SRPRB: variants seen among roughly 807,000 people sequenced by gnomAD.
SRPRB encodes signal recognition particle receptor subunit beta.
In SRPRB, 20 loss-of-function variants were observed where a neutral mutation model predicts 31.9. That is an observed-to-expected ratio of 0.63 (90% CI 0.44 to 0.91). The LOEUF (loss-of-function observed/expected upper bound fraction) is 0.91. Ranked by LOEUF, SRPRB falls within the 40% of genes least tolerant of loss-of-function variation. The pLI is 0.00. For synonymous variants in SRPRB, 146 were observed against 132.8 expected, an observed-to-expected ratio of 1.10 and a Z score of -0.68; for missense variants, 321 against 324.9, an observed-to-expected ratio of 0.99 and a Z score of 0.09.
intron 1 of SRPRB, among the ~76,000 whole-genome samples, chr3:133,799,149 C>G (rs1392730585): frequency 1.3e-5 from 2 of 152,186 alleles, no homozygotes; most frequent in Non-Finnish European, 2.9e-5. Context: ...AAATCTTTCT[C>G]TAGAGGGATG....
intron 1 of SRPRB, chr3:133,792,455 T>G (rs746200598): frequency 2.0e-5 from 3 of 152,212 alleles, no homozygotes; most frequent in Non-Finnish European, 2.9e-5. Context: ...CTTGCCTGCT[T>G]TACAGCTCGG....
chr3:133,813,806 A>G (rs978521722), intron 4 of SRPRB, among the ~76,000 whole-genome samples: 3 of 152,248 alleles, frequency 2.0e-5, no homozygotes, highest in African/African-American at 7.2e-5. Flanking sequence ...CCCGTAGGAT[A>G]TGAAAGCCTT....
chr3:133,792,124 T>C (rs558467780), intron 1 of SRPRB: 12 of 152,340 alleles, frequency 7.9e-5, no homozygotes, highest in African/African-American at 2.9e-4. Context: ...CAATTTATTT[T>C]GGAGCATTAG....
intron 6 of SRPRB, among the ~76,000 whole-genome samples, chr3:133,817,502 C>T (rs1006779434): frequency 2.0e-5 from 3 of 151,974 alleles, no homozygotes; most frequent in East Asian, 3.8e-4. Flanking sequence ...ATATATCCTG[C>T]TTTGAGTGTT....
chr3:133,788,237 T>C (rs1349237694), intron 1 of SRPRB: 3 of 152,230 alleles, frequency 2.0e-5, no homozygotes, highest in Non-Finnish European at 4.4e-5. Context: ...TTTCATCCTC[T>C]CCATTTACAT....
upstream of SRPRB, among the ~76,000 whole-genome samples, chr3:133,800,896 T>C (rs1298134383): frequency 6.6e-6 from 1 of 152,218 alleles, no homozygotes; most frequent in Non-Finnish European, 1.5e-5. Context: ...AACGTGTTCG[T>C]TTGTATTTAC....
intron 2 of SRPRB, among the ~76,000 whole-genome samples, chr3:133,807,232 A>G (rs1935178451): frequency 6.8e-6 from 1 of 146,576 alleles, no homozygotes. Context: ...TTTCCCTTCC[A>G]TTAAAGAAAT....
downstream of SRPRB, among the ~76,000 whole-genome samples, chr3:133,822,039 C>T (rs17376019): frequency 0.11 from 17,239 of 152,120 alleles, 1,072 homozygotes; most frequent in Non-Finnish European, 0.15. Context: ...GATGGGAGGT[C>T]AAATGTGCTC....
upstream of SRPRB, chr3:133,805,737 G>A (rs374648121): frequency 5.9e-5 from 83 of 1,410,152 alleles, 2 homozygotes; most frequent in African/African-American, 2.1e-4. Flanking sequence ...CCGCGGCTGA[G>A]GGAGAGACTA....
chr3:133,822,272 C>T (rs376978393), downstream of SRPRB, among the ~76,000 whole-genome samples: 3 of 151,964 alleles, frequency 2.0e-5, no homozygotes, highest in South Asian at 2.1e-4. Flanking sequence ...CAGCAGCTGC[C>T]TAATGCAAAT....
At chr3:133,805,183 C>T (rs1935127858), upstream of SRPRB, among the ~76,000 whole-genome samples, 1 of 152,300 alleles carries the variant, frequency 6.6e-6, no homozygotes, top group East Asian at 1.9e-4. Context: ...CTAGTTGCTT[C>T]CTTTAATGCA....
downstream of SRPRB, chr3:133,825,312 C>T (rs1478962483): frequency 1.3e-5 from 2 of 152,204 alleles, no homozygotes; most frequent in Admixed American, 1.3e-4. Flanking sequence ...TGGCTAGCCA[C>T]CAGGATGATG....
At chr3:133,798,003 G>A (rs1349180028) in intron 1 of SRPRB, among the ~76,000 whole-genome samples, 1 of 152,182 alleles carries the variant, frequency 6.6e-6, no homozygotes. Flanking sequence ...TGAGATAACA[G>A]CCATAGGTCT....
chr3:133,785,526 G>GC (rs1252419283), intron 1 of SRPRB: 1 of 92,994 alleles, frequency 1.1e-5, no homozygotes, highest in Non-Finnish European at 2.3e-5. Flanking sequence ...CCGGCCAGTG[G>GC]CCCCGTCCGG....
chr3:133,827,584 G>GCCACAGTAGC, downstream of SRPRB: 1 of 345,764 alleles, frequency 2.9e-6, no homozygotes, highest in South Asian at 4.6e-5. Context: ...CCACAGCGCA[G>GCCACAGTAGC]CCACAGTAGC....
chr3:133,826,729 C>G (rs1004607943), downstream of SRPRB: 4 of 152,604 alleles, frequency 2.6e-5, no homozygotes, highest in African/African-American at 9.6e-5. Context: ...CACAACTATG[C>G]ATTATTTTAT....
chr3:133,788,902 A>C (rs2107949933), intron 1 of SRPRB: 1 of 152,354 alleles, frequency 6.6e-6, no homozygotes, highest in Admixed American at 6.5e-5. Context: ...CTATCATTAC[A>C]GTTCATGGCT....
chr3:133,809,788 C>A (rs1236583032), intron 3 of SRPRB, among the ~76,000 whole-genome samples: 2 of 151,932 alleles, frequency 1.3e-5, no homozygotes, highest in Non-Finnish European at 2.9e-5. Context: ...TTAATAATTT[C>A]TTTTTTTATT....
At chr3:133,792,568 T>G (rs1934867661) in intron 1 of SRPRB, 1 of 152,146 alleles carries the variant, frequency 6.6e-6, no homozygotes, top group Non-Finnish European at 1.5e-5. Flanking sequence ...AATCCTTAAC[T>G]TACCAAAGTT....
Sources: allele counts gnomAD v4.1 joint callset (sites outside exome capture counted in the v4.1 genomes callset), GRCh38; gene constraint gnomAD v4.1.1; transcripts MANE v1.5; gene names NCBI Gene and HGNC (gene_info 2026-07-23, HGNC 2026-07-21).